Variants in PXN observed in about 807,000 individuals in gnomAD.
The protein encoded by PXN is testicular tissue protein Li 134.
Under a neutral mutation model 103.6 loss-of-function variants are expected in PXN, and 61 were observed. That is an observed-to-expected ratio of 0.59 (90% CI 0.48 to 0.73). The LOEUF (loss-of-function observed/expected upper bound fraction) is 0.73, where lower values mean the gene tolerates loss of function less well. PXN is among the 30% of genes least tolerant of loss of function. PXN has a pLI of 0.00. For synonymous variants in PXN, 562 were observed against 607.8 expected, an observed-to-expected ratio of 0.92 and a Z score of 1.11; for missense variants, 1,274 against 1,460.3, an observed-to-expected ratio of 0.87 and a Z score of 2.08.
chr12:120,239,606 G>A (rs1324726585), intron 1 of PXN, among the ~76,000 whole-genome samples: 6 of 151,930 alleles, frequency 3.9e-5, no homozygotes, highest in African/African-American at 1.5e-4. Context: ...AATTAGCCAG[G>A]CGTGGTGGTG....
chr12:120,261,260 G>T (rs1255184554), intron 1 of PXN, among the ~76,000 whole-genome samples: 2 of 152,244 alleles, frequency 1.3e-5, no homozygotes, highest in Non-Finnish European at 2.9e-5. Flanking sequence ...ATGCGATCTC[G>T]GCTTACTGCA....
Position 120,221,665 on chromosome 12 carries a change from G to T in PXN, c.789C>A (p.Thr263=). The part of the protein sequence containing the change: ...QQTRISASSA[T]RELDELMASL... ...AAGCCATCAGCTCGTCCAGCTCCCTGGTGGCAGAGGAGGCCGAGATGCGTG... is the reference window on the plus strand; with the variant it reads ...AAGCCATCAGCTCGTCCAGCTCCCTTGTGGCAGAGGAGGCCGAGATGCGTG... Residue 263 remains threonine, a synonymous_variant, in exon 6 of 15, where the codon ACC becomes ACA. Coordinates refer to ENST00000637617, the MANE Select transcript of PXN (RefSeq NM_001385981.1). The surrounding 1 kb of genome is among the most constrained non-coding windows in gnomAD (Gnocchi z 6.6). 1 of 1,564,158 alleles carries T rather than the reference G, an allele frequency of 6.4e-7. No homozygotes were observed.
intron 1 of PXN, among the ~76,000 whole-genome samples, chr12:120,245,445 A>C (rs1465933803): frequency 3.3e-5 from 5 of 151,898 alleles, no homozygotes; most frequent in Admixed American, 6.6e-5. Flanking sequence ...AAAAAAAAAA[A>C]CAAAACAATG....
chr12:120,263,385 TG>T (rs1894178798), intron 1 of PXN, among the ~76,000 whole-genome samples: 1 of 152,148 alleles, frequency 6.6e-6, no homozygotes, highest in African/African-American at 2.4e-5. Context: ...TGTAAGCAAC[TG>T]GGAGTCTATG....
At position 120,223,814 on chromosome 12, in the gene PXN, A is replaced by T. The variant is rs750854924; in HGVS notation, c.260T>A (p.Val87Glu). Residue 87 changes from valine to glutamate, a missense_variant, in exon 3 of 15, where the codon GTG (valine) becomes GAG (glutamate). By Grantham distance (121) the Val-to-Glu change is moderately radical. Around this residue, in one of 2 missense-constraint regions of PXN, gnomAD observed 1,178 missense variants for 1,309.0 expected, o/e 0.90. Coordinates refer to ENST00000637617, the MANE Select transcript of PXN (RefSeq NM_001385981.1). ...IHQQPQSSSP[V>E]YGSSAKTSSV... is the part of the protein sequence containing the mutation. ...GGAAGTTTTGGCACTGGAGCCGTAC[A>T]CAGGTGATGAGGACTGAGGCTGCGA... The T allele has an allele frequency of 6.0e-5, 96 of 1,606,824 alleles. No individual in the cohort carries two copies. In the East Asian group the frequency reaches 2.1e-3, roughly 36 times the overall value.
intron 1 of PXN, among the ~76,000 whole-genome samples, chr12:120,244,719 A>C (rs1055280278): frequency 4.6e-5 from 7 of 151,240 alleles, no homozygotes; most frequent in Non-Finnish European, 7.4e-5. Context: ...GCTACTTAGG[A>C]GGCTGAGGCA....
At chr12:120,255,462 G>C (rs980466366) in intron 1 of PXN, among the ~76,000 whole-genome samples, 1 of 152,148 alleles carries the variant, frequency 6.6e-6, no homozygotes, top group Non-Finnish European at 1.5e-5. Flanking sequence ...CTGGGAGACC[G>C]AGGCAGGCAG....
Position 120,211,525 on chromosome 12 carries a change from T to C in PXN, c.*789A>G, listed in dbSNP as rs941166519. The C allele has an allele frequency of 5.7e-6, 1 of 175,498 alleles. No homozygotes were observed. Among genetic ancestry groups the C allele is most frequent in the African/African-American group, 2.4e-5 (1 of 42,336 alleles). The allele number at this position is 175,498 out of a possible 1,614,324, so 10.9% of individuals were successfully genotyped here. A position where few individuals can be genotyped will look rare whatever the true frequency, so the allele number is the denominator to read the frequency against. ...AAGAGAATACAAAAGGGAACGTCTT[T>C]AAAATCTCTTCAAAATCATTTTGTA... On this transcript the variant is annotated 3_prime_UTR_variant, in exon 15 of 15. Coordinates refer to ENST00000637617, the MANE Select transcript of PXN (RefSeq NM_001385981.1).
Position 120,215,988 on chromosome 12 carries a change from G to A in PXN, c.2301+285C>T. On this transcript the variant is annotated intron_variant, in intron 9 of 14. Transcript: ENST00000637617. The surrounding 1 kb of genome is among the most constrained non-coding windows in gnomAD (Gnocchi z 4.9). Reference sequence around the variant, plus strand: ...ACAGGTTTCTGGTCTCCCTTCTGGAGTGGCTTCTTTCCTCGATGGGAGCCC... The same window carrying A: ...ACAGGTTTCTGGTCTCCCTTCTGGAATGGCTTCTTTCCTCGATGGGAGCCC... 7.3e-7 allele frequency: 1 copy of A among 1,371,746 alleles called. No homozygotes were observed. Among genetic ancestry groups the A allele is most frequent in the South Asian group, 1.9e-5 (1 of 52,326 alleles). The allele number at this position is 1,371,746 out of a possible 1,614,324, so 85.0% of individuals were successfully genotyped here.
In PXN at chr12:120,215,219, G is replaced by C. The variant is rs1406821318; in HGVS notation, c.2458C>G (p.Pro820Ala). 1 of 1,594,704 alleles carries C rather than the reference G, an allele frequency of 6.3e-7. No individual in the cohort carries two copies. Among genetic ancestry groups the C allele is most frequent in the Non-Finnish European group, 8.5e-7 (1 of 1,170,916 alleles). ...AGCATGCTGTCCAGCTGGCTCCCGG[G>C]CTTCGGGGGCCCCCCAGGGGGTGAG... ...SSSPPGGPPK[P>A]GSQLDSMLGS... is the part of the protein sequence containing the mutation. The change falls in exon 11 of 15, where the codon CCC becomes GCC. Residue 820 changes from proline to alanine, a missense_variant. By Grantham distance (27) the Pro-to-Ala change is conservative. Coordinates refer to ENST00000637617, the MANE Select transcript of PXN (RefSeq NM_001385981.1). This position sits in a 1 kb window ranked among gnomAD's most constrained non-coding sequence, Gnocchi z 4.9.
intron 1 of PXN, among the ~76,000 whole-genome samples, chr12:120,263,302 C>T (rs1894162857): frequency 1.3e-5 from 2 of 152,222 alleles, no homozygotes; most frequent in Admixed American, 6.5e-5. Context: ...CCATTCCTCC[C>T]ACCCCAGGCT....
chr12:120,216,670 G>C lies in PXN; in HGVS notation c.1993-89C>G, dbSNP rs775775126. 1 of 1,579,866 alleles carries C rather than the reference G, an allele frequency of 6.3e-7. No homozygotes were observed. Among genetic ancestry groups the C allele is most frequent in the Non-Finnish European group, 8.5e-7 (1 of 1,174,202 alleles). The stretch of plus-strand genomic sequence containing the variant: ...CGGGACCTCCCCAGGCTCCCCCTGG[G>C]CCTTCCCACTCTGCACCAAGAGTGG... On this transcript the variant is annotated intron_variant, in intron 8 of 14. Coordinates refer to ENST00000637617, the MANE Select transcript of PXN (RefSeq NM_001385981.1). This position sits in a 1 kb window ranked among gnomAD's most constrained non-coding sequence, Gnocchi z 5.1.
chr12:120,222,873 G>A lies in PXN; in HGVS notation c.483C>T (p.Gly161=), dbSNP rs371665562. ...GGGACCCGGTCCTACCTGCAGGGAA[G>A]CCTGGCGGGTTATGCTGTACAGCGT... ...ELNAVQHNPP[G]FPADEANSSP... is the part of the protein sequence containing the mutation. Residue 161 remains glycine (G), a synonymous_variant, in exon 4 of 15, where the codon GGC becomes GGT. Coordinates refer to ENST00000637617, the MANE Select transcript of PXN (RefSeq NM_001385981.1). This position sits in a 1 kb window ranked among gnomAD's most constrained non-coding sequence, Gnocchi z 4.7. 1.1e-5 allele frequency: 17 copies of A among 1,613,710 alleles called. No homozygotes were observed. The South Asian group carries it at 1.9e-4, about 18-fold the overall frequency.
chr12:120,241,950 T>C (rs557679839), intron 1 of PXN, among the ~76,000 whole-genome samples: 2 of 152,260 alleles, frequency 1.3e-5, no homozygotes, highest in Admixed American at 6.5e-5. Flanking sequence ...AAATCAATGT[T>C]ACCTGGAAAC....
chr12:120,224,114 G>A lies in PXN; in HGVS notation c.240+37C>T. On this transcript the variant is annotated intron_variant, in intron 2 of 14. Coordinates refer to ENST00000637617, the MANE Select transcript of PXN (RefSeq NM_001385981.1). This position sits in a 1 kb window ranked among gnomAD's most constrained non-coding sequence, Gnocchi z 5.0. Reference sequence around the variant, plus strand: ...CCAGCTAAGTTCCCTCTGTCCCCCAGCCTCCTTGGCCTTCCCAGCCACTGT... The same window carrying A: ...CCAGCTAAGTTCCCTCTGTCCCCCAACCTCCTTGGCCTTCCCAGCCACTGT... 1 of 1,463,918 alleles carries A rather than the reference G, an allele frequency of 6.8e-7. No homozygotes were observed. The highest frequency in any genetic ancestry group is 9.2e-7 in the Non-Finnish European group (1 of 1,084,144). The allele number at this position is 1,463,918 out of a possible 1,614,324, so 90.7% of individuals were successfully genotyped here.
Position 120,217,514 on chromosome 12 carries a change from G to A in PXN, c.1717-398C>T, listed in dbSNP as rs528443345. ...CCAGAGGATGTAAGTGCATGCCCTT[G>A]ACAAGGCATACGGCTTTTTCTTTTT... is the stretch of plus-strand genomic sequence containing the variant. On this transcript the variant is annotated intron_variant, in intron 7 of 14. Transcript: ENST00000637617. This position sits in a 1 kb window ranked among gnomAD's most constrained non-coding sequence, Gnocchi z 4.1. Among the ~76,000 whole-genome samples the A allele has an allele frequency of 6.6e-6, 1 of 152,274 alleles. No homozygotes were observed. The highest frequency in any genetic ancestry group is 2.4e-5 in the African/African-American group (1 of 41,544).
At chr12:120,246,416 C>T (rs1394207384) in intron 1 of PXN, among the ~76,000 whole-genome samples, 2 of 150,636 alleles carry the variant, frequency 1.3e-5, no homozygotes, top group Non-Finnish European at 3.0e-5. Context: ...TATCCCAGTT[C>T]CTCCAGAGGC....
intron 1 of PXN, among the ~76,000 whole-genome samples, chr12:120,256,996 C>T (rs1189494042): frequency 6.6e-6 from 1 of 152,194 alleles, no homozygotes; most frequent in Non-Finnish European, 1.5e-5. Flanking sequence ...GCTGGGATTA[C>T]AGGCATGAGC....
chr12:120,211,678 A>T lies in PXN; in HGVS notation c.*636T>A, dbSNP rs1312778039. The T allele has an allele frequency of 3.2e-6, 1 of 316,026 alleles. No individual in the cohort carries two copies. Among genetic ancestry groups the T allele is most frequent in the Non-Finnish European group, 6.4e-6 (1 of 157,156 alleles). 19.6% of individuals were successfully genotyped at this position (316,026 alleles called of 1,614,324 possible). A position where few individuals can be genotyped will look rare whatever the true frequency, so the allele number is the denominator to read the frequency against. ...AGTGACTAGAAAACATTATTGCTGG[A>T]GAGGCTTTTCTCAGTAGAACAAGAG... On this transcript the variant is annotated 3_prime_UTR_variant, in exon 15 of 15. Coordinates refer to ENST00000637617, the MANE Select transcript of PXN (RefSeq NM_001385981.1).
Sources: gnomAD v4.1 joint callset for allele counts (sites outside exome capture counted in the v4.1 genomes callset) on GRCh38, gnomAD v4.1.1 for gene constraint, gnomAD v4.1.1 regional missense constraint, Gnocchi (gnomAD v3.1) non-coding constraint, MANE v1.5 for transcripts, NCBI Gene and HGNC (gene_info 2026-07-23, HGNC 2026-07-21) for gene names.